Variants in TNRC6C observed in about 807,000 individuals in gnomAD.
TNRC6C encodes the protein trinucleotide repeat containing adaptor 6C.
Under a neutral mutation model 153.7 loss-of-function variants are expected in TNRC6C, and 20 were observed. The observed-to-expected ratio is 0.13, with a 90% CI of 0.09 to 0.19. The LOEUF (loss-of-function observed/expected upper bound fraction) is 0.19, where lower values mean the gene tolerates loss of function less well. Among genes scored for constraint, TNRC6C ranks in the 10% least tolerant of loss-of-function variants. TNRC6C has a pLI of 1.00. For synonymous variants in TNRC6C, 811 were observed against 841.4 expected (o/e 0.96, Z 0.63); for missense variants, 1,987 against 2,172.0 (o/e 0.91, Z 1.69).
rs781136024 is a variant in TNRC6C at position 78,051,380 on chromosome 17, A to G, written c.2318A>G (p.His773Arg). 1.4e-5 allele frequency: 22 copies of G among 1,550,230 alleles called. 1 individual carries two copies. In the South Asian group the frequency reaches 2.6e-4, roughly 18 times the overall value. The change falls in exon 3 of 20, where the codon CAC (histidine) becomes CGC (arginine). Residue 773 changes from histidine to arginine, a missense_variant. Transcript: ENST00000301624. ...ACCACTACCACGAGCAACACCACAC[A>G]CAGGGTCGAGACGCCGCCCCCGCAC...
At chr17:77,981,655 T>C (rs1463823885) in intron 1 of TNRC6C, among the ~76,000 whole-genome samples, 2 of 152,250 alleles carry the variant, frequency 1.3e-5, no homozygotes, top group African/African-American at 4.8e-5. Flanking sequence ...CAATCACATT[T>C]GGTGAGAGAA....
chr17:78,016,213 C>T (rs184098009), intron 1 of TNRC6C, among the ~76,000 whole-genome samples: 4 of 152,296 alleles, frequency 2.6e-5, no homozygotes, highest in South Asian at 2.1e-4. Flanking sequence ...GGTCAGGAAG[C>T]GGCACTAACA....
chr17:78,039,465 G>T (rs1396941422), intron 2 of TNRC6C, among the ~76,000 whole-genome samples: 1 of 152,138 alleles, frequency 6.6e-6, no homozygotes, highest in Non-Finnish European at 1.5e-5. Flanking sequence ...ATTTTAGAAG[G>T]TAACCAAGAC....
rs1453081119 is a variant in TNRC6C at position 78,049,679 on chromosome 17, C to G, written c.617C>G (p.Pro206Arg). The change falls in exon 3 of 20, where the codon CCA (proline) becomes CGA (arginine). Residue 206 changes from proline to arginine, a missense_variant. Pro to Arg is a moderately radical substitution (Grantham distance 103). Transcript: ENST00000301624. This position sits in a 1 kb window ranked among gnomAD's most constrained non-coding sequence, Gnocchi z 4.1. ...AATGCAATGCAGACAAATGGACTGC[C>G]AAACTGGGGCATGGCTGTTGGTATG... 3.1e-6 allele frequency: 5 copies of G among 1,610,218 alleles called. No homozygotes were observed. The highest frequency in any genetic ancestry group is 4.2e-6 in the Non-Finnish European group (5 of 1,177,004).
At chr17:78,032,164 G>A (rs1355686892) in intron 2 of TNRC6C, among the ~76,000 whole-genome samples, 2 of 152,206 alleles carry the variant, frequency 1.3e-5, no homozygotes, top group Non-Finnish European at 2.9e-5. Context: ...AAACTTTTCA[G>A]TAAAACCCTT....
rs947791149 is a variant in TNRC6C at position 78,049,291 on chromosome 17, A to G, written c.229A>G (p.Met77Val). ...TGGTGGGGATGGAAAAATGGACACTATGATTGGAGATGGGAGAAGTCAGAA... is the reference window on the plus strand; with the variant it reads ...TGGTGGGGATGGAAAAATGGACACTGTGATTGGAGATGGGAGAAGTCAGAA... Residue 77 changes from methionine to valine, a missense_variant, in exon 3 of 20, where the codon ATG becomes GTG. Met to Val is a conservative substitution (Grantham distance 21). Around this residue, in one of 4 missense-constraint regions of TNRC6C, gnomAD observed 1,052 missense variants for 1,017.0 expected, o/e 1.03. Coordinates refer to ENST00000301624, the Ensembl canonical transcript of TNRC6C. The surrounding 1 kb of genome is among the most constrained non-coding windows in gnomAD (Gnocchi z 4.1). The G allele has an allele frequency of 1.4e-5, 22 of 1,613,604 alleles. No individual in the cohort carries two copies. The highest frequency in any genetic ancestry group is 1.9e-5 in the Non-Finnish European group (22 of 1,179,708).
intron 16 of TNRC6C, 38 bp downstream of exon 18, chr17:78,093,801 C>T (rs1168676771): frequency 6.2e-7 from 1 of 1,609,784 alleles, no homozygotes; most frequent in Non-Finnish European, 8.5e-7. Flanking sequence ...CATGGACGGT[C>T]TCTCTAGACC....
At chr17:78,043,973 ATAGGT>A (rs1171204276) in intron 2 of TNRC6C, among the ~76,000 whole-genome samples, 1 of 152,172 alleles carries the variant, frequency 6.6e-6, no homozygotes, top group Non-Finnish European at 1.5e-5. Flanking sequence ...TTATGGACAC[ATAGGT>A]TGCTTCCAAA....
Position 78,049,821 on chromosome 17 carries a change from A to T in TNRC6C, c.759A>T (p.Pro253=). Residue 253 remains proline (P), a synonymous_variant, in exon 3 of 20, where the codon CCA becomes CCT. Coordinates refer to ENST00000301624, the Ensembl canonical transcript of TNRC6C. The surrounding 1 kb of genome is among the most constrained non-coding windows in gnomAD (Gnocchi z 4.1). ...GCAATTCTGTGTGGGGACTGTCCCCAGGTAACCCTGCCACAGGAAATAGCA... is the reference window on the plus strand; with the variant it reads ...GCAATTCTGTGTGGGGACTGTCCCCTGGTAACCCTGCCACAGGAAATAGCA... 1 of 1,611,868 alleles carries T rather than the reference A, an allele frequency of 6.2e-7. No individual in the cohort carries two copies. The highest frequency in any genetic ancestry group is 1.1e-5 in the South Asian group (1 of 90,802).
intron 1 of TNRC6C, among the ~76,000 whole-genome samples, chr17:78,024,435 T>C (rs183068149): frequency 1.0e-3 from 157 of 151,056 alleles, no homozygotes; most frequent in Middle Eastern, 3.5e-3. Context: ...GGCCCGATCT[T>C]GGCTCACTGC....
At chr17:78,061,354 A>C (rs2871765) in intron 3 of TNRC6C, among the ~76,000 whole-genome samples, 15,472 of 152,268 alleles carry the variant, frequency 0.1, 868 homozygotes, top group East Asian at 0.18. Context: ...CTATGTACTT[A>C]AAATCATTTT....
upstream of TNRC6C, among the ~76,000 whole-genome samples, chr17:78,002,541 C>A (rs1180497889): frequency 1.3e-5 from 2 of 152,152 alleles, no homozygotes; most frequent in African/African-American, 4.8e-5. Flanking sequence ...TTGTAAATAT[C>A]TTTGAAAGTA....
intron 2 of TNRC6C, among the ~76,000 whole-genome samples, chr17:78,046,301 C>T (rs866372794): frequency 6.6e-6 from 1 of 151,966 alleles, no homozygotes. Flanking sequence ...CCTGCCTCAA[C>T]TCCCAAGTAG....
intron 2 of TNRC6C, among the ~76,000 whole-genome samples, chr17:78,032,775 G>A (rs28686468): frequency 2.0e-5 from 3 of 152,224 alleles, no homozygotes; most frequent in Admixed American, 1.3e-4. Context: ...CTAGCATGAC[G>A]TAGAAGTATT....
chr17:78,085,787 T>A (rs530088750), intron 11 of TNRC6C, among the ~76,000 whole-genome samples: 1 of 152,174 alleles, frequency 6.6e-6, no homozygotes, highest in East Asian at 1.9e-4. Flanking sequence ...TGTTTCACAT[T>A]GTCTGGGCTG....
rs545134979 is a variant in TNRC6C, at chr17:77,961,712, A to G, written c.-38+2444A>G. On this transcript the variant is annotated intron_variant, in intron 1 of 22. Transcript: ENST00000636222. ...ACATTTATATTTAGTTGGCTTAGGA[A>G]CTTTGGAGTAAATAGTTGCCTTTAG... 1.6e-4 allele frequency among the ~76,000 whole-genome samples: 25 copies of G among 152,332 alleles called. 1 individual carries two copies. In the South Asian group the frequency reaches 5.2e-3, roughly 32 times the overall value.
At chr17:78,009,265 T>G (rs2071578483) in intron 1 of TNRC6C, among the ~76,000 whole-genome samples, 1 of 152,202 alleles carries the variant, frequency 6.6e-6, no homozygotes, top group African/African-American at 2.4e-5. Flanking sequence ...GGCACTGCCC[T>G]TAATTGAGGC....
chr17:78,064,222 A>G (rs1223038433), intron 3 of TNRC6C, among the ~76,000 whole-genome samples: 1 of 152,052 alleles, frequency 6.6e-6, no homozygotes, highest in African/African-American at 2.4e-5. Context: ...CAGCCTCCCC[A>G]ATAGCTCGGA....
intron 1 of TNRC6C, among the ~76,000 whole-genome samples, chr17:77,961,346 G>C (rs1340972857): frequency 2.0e-5 from 3 of 152,082 alleles, no homozygotes; most frequent in African/African-American, 7.2e-5. Context: ...AGTAGAGACG[G>C]GGTTTTGCCA....
Sources: gnomAD v4.1 joint callset for allele counts (sites outside exome capture counted in the v4.1 genomes callset) on GRCh38, gnomAD v4.1.1 for gene constraint, gnomAD v4.1.1 regional missense constraint, Gnocchi (gnomAD v3.1) non-coding constraint, MANE v1.5 for transcripts, NCBI Gene and HGNC (gene_info 2026-07-23, HGNC 2026-07-21) for gene names.